SV2B: variants seen among roughly 807,000 people sequenced by gnomAD.
The protein encoded by SV2B is solute carrier family 22 member B2.
Under a neutral mutation model 73.9 loss-of-function variants are expected in SV2B, and 41 were observed. The ratio of observed to expected loss-of-function variants is 0.56; its 90% CI spans 0.43 to 0.72. The LOEUF (loss-of-function observed/expected upper bound fraction) is 0.72, where lower values mean the gene tolerates loss of function less well. Among genes scored for constraint, SV2B ranks in the 30% least tolerant of loss-of-function variants. The pLI is 0.00. For missense variants in SV2B, 764 were observed against 857.8 expected, an observed-to-expected ratio of 0.89 and a Z score of 1.37; for synonymous variants, 314 against 314.2, an observed-to-expected ratio of 1.00 and a Z score of 0.01.
rs567584909 is a variant in SV2B, at chr15:91,139,460, G to A, written c.-392+39097G>A. Among the ~76,000 whole-genome samples the A allele has an allele frequency of 1.3e-5, 2 of 152,154 alleles. No homozygotes were observed. Among genetic ancestry groups the A allele is most frequent in the East Asian group, 3.8e-4 (2 of 5,206 alleles). On this transcript the variant is annotated intron_variant, in intron 1 of 12. Transcript: ENST00000394232. This position sits in a 1 kb window ranked among gnomAD's most constrained non-coding sequence, Gnocchi z 5.2. ...CACCCTTGAGCTAAAACCAGAGCTG[G>A]GAAATGGAGGCAGGGAGAGGTGTAC... is the stretch of plus-strand genomic sequence containing the variant.
chr15:91,247,536 AT>A (rs1260116575), intron 2 of SV2B, among the ~76,000 whole-genome samples: 7 of 152,208 alleles, frequency 4.6e-5, no homozygotes, highest in Non-Finnish European at 1.0e-4. Flanking sequence ...GATTGGAATG[AT>A]TATAACTTAG....
At position 91,139,376 on chromosome 15, in the gene SV2B, AG is replaced by A. The variant is rs1473113652; in HGVS notation, c.-392+39015del. Among the ~76,000 whole-genome samples, 1 of 152,144 alleles carries A rather than the reference AG, an allele frequency of 6.6e-6. No homozygotes were observed. The highest frequency in any genetic ancestry group is 1.5e-5 in the Non-Finnish European group (1 of 68,018). ...AAAAAAGAAGTAAGGGAAACTTCCAAGGAACCTCTCTCTAACCCTAAATAAC... is the reference window on the plus strand; with the variant it reads ...AAAAAAGAAGTAAGGGAAACTTCCAAGAACCTCTCTCTAACCCTAAATAAC... On this transcript the variant is annotated intron_variant, in intron 1 of 12. Transcript: ENST00000394232. This position sits in a 1 kb window ranked among gnomAD's most constrained non-coding sequence, Gnocchi z 5.2.
chr15:91,287,739 ATAGTTC>A (rs2048908956), intron 11 of SV2B, among the ~76,000 whole-genome samples: 1 of 152,200 alleles, frequency 6.6e-6, no homozygotes, highest in Non-Finnish European at 1.5e-5. Context: ...TTCACCCCAG[ATAGTTC>A]TAGTGAGGAA....
chr15:91,183,523 A>T (rs1249646012), intron 1 of SV2B, among the ~76,000 whole-genome samples: 1 of 152,170 alleles, frequency 6.6e-6, no homozygotes, highest in Non-Finnish European at 1.5e-5. Flanking sequence ...TATGAGTCCA[A>T]ACTTTGAGAC....
At chr15:91,131,845 C>G (rs2042662852) in intron 1 of SV2B, among the ~76,000 whole-genome samples, 1 of 152,134 alleles carries the variant, frequency 6.6e-6, no homozygotes, top group Non-Finnish European at 1.5e-5. Context: ...TGCCTGTAAT[C>G]CCAGCTACTC....
At chr15:91,264,000 C>A (rs531978465) in intron 6 of SV2B, among the ~76,000 whole-genome samples, 1 of 152,268 alleles carries the variant, frequency 6.6e-6, no homozygotes, top group African/African-American at 2.4e-5. Flanking sequence ...AGATTTATTT[C>A]AAATGCACAC....
At chr15:91,125,781 CAAA>C (rs200016125) in intron 1 of SV2B, among the ~76,000 whole-genome samples, 28 of 57,072 alleles carry the variant, frequency 4.9e-4, no homozygotes, top group Non-Finnish European at 8.0e-4. Flanking sequence ...TCTCAAGGGG[CAAA>C]AAAAAAAAAA....
At chr15:91,166,635 T>G (rs954013533) in intron 1 of SV2B, among the ~76,000 whole-genome samples, 3 of 151,980 alleles carry the variant, frequency 2.0e-5, no homozygotes, top group Non-Finnish European at 4.4e-5. Flanking sequence ...TCTGTATGAC[T>G]TTTTTTCTCA....
At chr15:91,158,811 CCTT>C (rs1408215416) in intron 1 of SV2B, among the ~76,000 whole-genome samples, 13 of 150,380 alleles carry the variant, frequency 8.6e-5, no homozygotes, top group African/African-American at 3.2e-4. Context: ...TTCCTCTCTT[CCTT>C]CTTTCTAAAA....
Position 91,288,053 on chromosome 15 carries a change from CCATGG to C in SV2B, c.1709-1467_1709-1463del, listed in dbSNP as rs2048921160. The stretch of plus-strand genomic sequence containing the variant: ...TTCCCCTCCCAACTGATAAGAAAGT[CCATGG>C]GGTTAGCGTGTAGAGGGTATGTACA... On this transcript the variant is annotated intron_variant, in intron 11 of 12. Coordinates refer to ENST00000394232, the MANE Select transcript of SV2B (RefSeq NM_001323032.3). This position sits in a 1 kb window ranked among gnomAD's most constrained non-coding sequence, Gnocchi z 5.8. Among the ~76,000 whole-genome samples, 1 of 152,074 alleles carries C rather than the reference CCATGG, an allele frequency of 6.6e-6. No individual in the cohort carries two copies. The highest frequency in any genetic ancestry group is 2.4e-5 in the African/African-American group (1 of 41,390).
At chr15:91,211,477 C>CGCTGCTGCT (rs147025263) in intron 1 of SV2B, among the ~76,000 whole-genome samples, 2 of 151,098 alleles carry the variant, frequency 1.3e-5, no homozygotes, top group Non-Finnish European at 2.9e-5. Flanking sequence ...CCTCTTCCTC[C>CGCTGCTGCT]GCTGCTGCTG....
chr15:91,289,570 C>T lies in SV2B; in HGVS notation c.1758C>T (p.Gly586=). The T allele has an allele frequency of 6.2e-7, 1 of 1,614,200 alleles. No homozygotes were observed. Among genetic ancestry groups the T allele is most frequent in the East Asian group, 2.2e-5 (1 of 44,886 alleles). Reference sequence around the variant, plus strand: ...TCTGCTGCTTCTTCCTGTTTTTTGGCAACAGTGAGTCTGCAATGATCGGCT... The same window carrying T: ...TCTGCTGCTTCTTCCTGTTTTTTGGTAACAGTGAGTCTGCAATGATCGGCT... ...SAVCCFFLFF[G]NSESAMIGWQ... is the part of the protein sequence containing the mutation. Residue 586 remains glycine, a synonymous_variant, in exon 12 of 13, where the codon GGC becomes GGT. Transcript: ENST00000394232. This position sits in a 1 kb window ranked among gnomAD's most constrained non-coding sequence, Gnocchi z 4.9.
intron 2 of SV2B, among the ~76,000 whole-genome samples, chr15:91,230,502 G>A (rs1304374080): frequency 1.3e-5 from 2 of 152,178 alleles, no homozygotes; most frequent in African/African-American, 4.8e-5. Flanking sequence ...TGAGCTTTTA[G>A]AAAGATGAAT....
At position 91,196,649 on chromosome 15, in the gene SV2B, C is replaced by T. The variant is rs143282857; in HGVS notation, c.-391-29224C>T. 1.3e-4 allele frequency among the ~76,000 whole-genome samples: 20 copies of T among 152,284 alleles called. No individual in the cohort carries two copies. In the East Asian group the frequency reaches 3.3e-3, roughly 25 times the overall value. ...AGATTAAAGGCAGGTGGATTCAGCA[C>T]ATAATGCCCTGGATAAACACCCAAA... On this transcript the variant is annotated intron_variant, in intron 1 of 12. Transcript: ENST00000394232.
Position 91,292,635 on chromosome 15 carries a change from G to C in SV2B, c.*83G>C. The C allele has an allele frequency of 6.7e-7, 1 of 1,493,878 alleles. No homozygotes were observed. The highest frequency in any genetic ancestry group is 9.0e-7 in the Non-Finnish European group (1 of 1,114,804). The allele number at this position is 1,493,878 out of a possible 1,614,324, so 92.5% of individuals were successfully genotyped here. On this transcript the variant is annotated 3_prime_UTR_variant, in exon 13 of 13. Coordinates refer to ENST00000394232, the MANE Select transcript of SV2B (RefSeq NM_001323032.3). ...CCACACTTCCTGCCTATCACGGTCC[G>C]GAGGACACCTTGGATAGCACGGGAG...
intron 1 of SV2B, among the ~76,000 whole-genome samples, chr15:91,157,228 A>G (rs984711297): frequency 4.6e-5 from 7 of 152,198 alleles, no homozygotes; most frequent in Admixed American, 1.3e-4. Context: ...TTGGGAGTCA[A>G]ATCACTTGGG....
chr15:91,278,710 A>G (rs1201085341), intron 9 of SV2B, among the ~76,000 whole-genome samples: 1 of 150,660 alleles, frequency 6.6e-6, no homozygotes. Flanking sequence ...GAAGTTACAC[A>G]GATATTCAGG....
At chr15:91,233,803 C>T (rs920833116) in intron 2 of SV2B, among the ~76,000 whole-genome samples, 1 of 152,184 alleles carries the variant, frequency 6.6e-6, no homozygotes, top group African/African-American at 2.4e-5. Context: ...AACCCCTCCA[C>T]CCCTCTTTGC....
Position 91,302,158 on chromosome 15 carries a change from C to T in SV2B, c.*9606C>T, listed in dbSNP as rs868310701. 1.1e-4 allele frequency among the ~76,000 whole-genome samples: 16 copies of T among 152,288 alleles called. No individual in the cohort carries two copies. Among genetic ancestry groups the T allele is most frequent in the Admixed American group, 3.9e-4 (6 of 15,300 alleles). On this transcript the variant is annotated 3_prime_UTR_variant, in exon 13 of 13. Transcript: ENST00000394232. ...ATTGTGACTAACACAGTATTTGATA[C>T]GTAGTAGGTCTCAATAGATGATGAA...
Sources: allele counts gnomAD v4.1 joint callset (sites outside exome capture counted in the v4.1 genomes callset), GRCh38; gene constraint gnomAD v4.1.1; non-coding constraint Gnocchi (gnomAD v3.1); transcripts MANE v1.5; gene names NCBI Gene and HGNC (gene_info 2026-07-23, HGNC 2026-07-21).